Variants in ABI2 observed in about 807,000 individuals in gnomAD.
ABI2 encodes abelson interactor 2.
ABI2 carries 25 observed loss-of-function variants against 59.2 expected under a neutral mutation model. The ratio of observed to expected loss-of-function variants is 0.42; its 90% CI spans 0.31 to 0.59. The LOEUF is 0.59. ABI2 is among the 20% of genes least tolerant of loss of function. The pLI, the probability that ABI2 is intolerant of heterozygous loss-of-function variation, is 0.14. For synonymous variants in ABI2, 213 were observed against 235.5 expected (o/e 0.90, Z 0.87); for missense variants, 545 against 681.8 (o/e 0.80, Z 2.23).
Position 203,428,862 on chromosome 2 carries a change from G to T in ABI2, c.*1510G>T, listed in dbSNP as rs1358316657. On this transcript the variant is annotated 3_prime_UTR_variant, in exon 12 of 12. Coordinates refer to ENST00000261018, the MANE Select transcript of ABI2 (RefSeq NM_001375670.1). ...GAGCTTTGCCAGGTAACTGCCCTGTGCTAGGTGAAAGGGGAAAAGCAGTAG... is the reference window on the plus strand; with the variant it reads ...GAGCTTTGCCAGGTAACTGCCCTGTTCTAGGTGAAAGGGGAAAAGCAGTAG... 1 of 152,250 alleles carries T rather than the reference G, an allele frequency of 6.6e-6. No homozygotes were observed. Among genetic ancestry groups the T allele is most frequent in the Non-Finnish European group, 1.5e-5 (1 of 68,072 alleles). 9.4% of individuals were successfully genotyped at this position (152,250 alleles called of 1,614,324 possible). A position where few individuals can be genotyped will look rare whatever the true frequency, so the allele number is the denominator to read the frequency against.
At chr2:203,405,469 G>A (rs1324085556) in intron 9 of ABI2, among the ~76,000 whole-genome samples, 2 of 152,032 alleles carry the variant, frequency 1.3e-5, no homozygotes, top group East Asian at 3.8e-4. Flanking sequence ...ACGATTGGTT[G>A]AACCTAGGAG....
At chr2:203,401,959 A>G (rs1026636502) in intron 8 of ABI2, among the ~76,000 whole-genome samples, 1 of 152,174 alleles carries the variant, frequency 6.6e-6, no homozygotes, top group Non-Finnish European at 1.5e-5. Context: ...GGTGGAGTAG[A>G]TAAATTTTAA....
chr2:203,330,561 G>C (rs937339370), intron 1 of ABI2, among the ~76,000 whole-genome samples: 2 of 152,122 alleles, frequency 1.3e-5, no homozygotes, highest in Non-Finnish European at 2.9e-5. Context: ...TGCACTGCTG[G>C]TACCAAGGAG....
At chr2:203,381,432 G>A (rs2096119723) in intron 3 of ABI2, among the ~76,000 whole-genome samples, 1 of 152,108 alleles carries the variant, frequency 6.6e-6, no homozygotes, top group Non-Finnish European at 1.5e-5. Flanking sequence ...ACCATGCTGA[G>A]CTAAATTTTT....
At chr2:203,372,503 G>T (rs1328181052) in intron 2 of ABI2, among the ~76,000 whole-genome samples, 1 of 151,850 alleles carries the variant, frequency 6.6e-6, no homozygotes, top group African/African-American at 2.4e-5. Flanking sequence ...CAGTAGGGGC[G>T]GCCGGGCAGA....
intron 4 of ABI2, among the ~76,000 whole-genome samples, chr2:203,390,197 T>C (rs1002690616): frequency 1.3e-5 from 2 of 152,248 alleles, no homozygotes; most frequent in Non-Finnish European, 2.9e-5. Context: ...CTTATAAGGC[T>C]GGCCCACAAT....
chr2:203,390,592 C>A (rs1261006781), intron 4 of ABI2, among the ~76,000 whole-genome samples: 1 of 151,614 alleles, frequency 6.6e-6, no homozygotes, highest in Non-Finnish European at 1.5e-5. Context: ...AGATCGTGCC[C>A]CTGCACTCCA....
At chr2:203,358,967 G>A (rs1346434431) in intron 1 of ABI2, among the ~76,000 whole-genome samples, 4 of 152,146 alleles carry the variant, frequency 2.6e-5, no homozygotes, top group African/African-American at 4.8e-5. Context: ...AGCCAATATC[G>A]TGCCACTGCA....
At chr2:203,376,858 CTA>C (rs1327046029) in intron 2 of ABI2, among the ~76,000 whole-genome samples, 1 of 151,424 alleles carries the variant, frequency 6.6e-6, no homozygotes, top group African/African-American at 2.4e-5. Context: ...AGTCACATCT[CTA>C]TAAGATCAAA....
intron 2 of ABI2, among the ~76,000 whole-genome samples, chr2:203,368,037 A>C (rs1043684877): frequency 6.6e-6 from 1 of 152,134 alleles, no homozygotes; most frequent in Non-Finnish European, 1.5e-5. Flanking sequence ...CCAGGATTAT[A>C]ATAGAGTCAG....
intron 1 of ABI2, among the ~76,000 whole-genome samples, chr2:203,334,644 A>G (rs939045808): frequency 1.3e-5 from 2 of 150,280 alleles, no homozygotes; most frequent in African/African-American, 2.4e-5. Context: ...GAATATTCTG[A>G]AAGTTACATT....
intron 1 of ABI2, among the ~76,000 whole-genome samples, chr2:203,351,044 G>A (rs1375354755): frequency 6.6e-6 from 1 of 151,998 alleles, no homozygotes; most frequent in Non-Finnish European, 1.5e-5. Flanking sequence ...TGTAAAGTAG[G>A]GGTTCATATT....
In ABI2 at chr2:203,402,765, G is replaced by C. The variant is rs368413280; in HGVS notation, c.1192+31G>C. On this transcript the variant is annotated intron_variant, in intron 9 of 11. Transcript: ENST00000261018. The stretch of plus-strand genomic sequence containing the variant: ...TTTTTTTGTTTTTTTGCATTCTATA[G>C]AATGTATTTAATTAAAAACCTTCAA... 2.7e-6 allele frequency: 4 copies of C among 1,505,588 alleles called. No homozygotes were observed. In the African/African-American group the frequency reaches 5.7e-5, roughly 21 times the overall value. 93.3% of individuals were successfully genotyped at this position (1,505,588 alleles called of 1,614,324 possible).
intron 4 of ABI2, among the ~76,000 whole-genome samples, chr2:203,387,341 G>A (rs958188603): frequency 6.6e-6 from 1 of 152,164 alleles, no homozygotes; most frequent in Non-Finnish European, 1.5e-5. Context: ...ATAGGTAGGA[G>A]CATTGTAGAA....
chr2:203,365,197 T>G (rs1269649549), intron 1 of ABI2, among the ~76,000 whole-genome samples: 1 of 152,256 alleles, frequency 6.6e-6, no homozygotes, highest in Non-Finnish European at 1.5e-5. Flanking sequence ...GACTTTTTTT[T>G]GTGCTTGTAT....
At chr2:203,367,843 A>G (rs569468505) in intron 2 of ABI2, among the ~76,000 whole-genome samples, 1 of 151,930 alleles carries the variant, frequency 6.6e-6, no homozygotes, top group South Asian at 2.1e-4. Context: ...TTCTCTACCA[A>G]AAATACAAAA....
chr2:203,372,697 C>A (rs1208617917), intron 2 of ABI2, among the ~76,000 whole-genome samples: 7 of 151,052 alleles, frequency 4.6e-5, no homozygotes, highest in Non-Finnish European at 1.5e-5. Flanking sequence ...GGCGTAGGGG[C>A]TCCTCACTTC....
Position 203,396,790 on chromosome 2 carries a change from G to T in ABI2, c.856G>T (p.Ala286Ser). Residue 286 changes from alanine to serine, a missense_variant, in exon 8 of 12, where the codon GCT becomes TCT. Physicochemically the swap from Ala to Ser is moderately conservative, Grantham distance 99. This residue lies in a region of ABI2 where 410 missense variants were observed against 435.6 expected (regional missense o/e 0.94). Coordinates refer to ENST00000261018, the MANE Select transcript of ABI2 (RefSeq NM_001375670.1). ...PSPPSVFPAPAGSAGTPPLPA... is the reference protein window; with the variant it reads ...PSPPSVFPAPSGSAGTPPLPA... ...TTACTCCTCTTTCCCCTCAGCCCCT[G>T]CTGGCTCTGCTGGCACTCCTCCCCT... 2.0e-6 allele frequency: 3 copies of T among 1,528,046 alleles called. No individual in the cohort carries two copies. Among genetic ancestry groups the T allele is most frequent in the Non-Finnish European group, 2.6e-6 (3 of 1,143,602 alleles). 94.7% of individuals were successfully genotyped at this position (1,528,046 alleles called of 1,614,324 possible).
At chr2:203,364,468 A>G (rs1477279603) in intron 1 of ABI2, among the ~76,000 whole-genome samples, 1 of 152,138 alleles carries the variant, frequency 6.6e-6, no homozygotes, top group Non-Finnish European at 1.5e-5. Flanking sequence ...CTACCACTGA[A>G]CCACCATTGC....
Sources: allele counts gnomAD v4.1 joint callset (sites outside exome capture counted in the v4.1 genomes callset), GRCh38; gene constraint gnomAD v4.1.1; regional missense constraint gnomAD v4.1.1; transcripts MANE v1.5; gene names NCBI Gene and HGNC (gene_info 2026-07-23, HGNC 2026-07-21).